GNAQ: variants seen among roughly 807,000 people sequenced by gnomAD.
GNAQ encodes the protein G protein subunit alpha q, also known as guanine nucleotide-binding protein G(q) subunit alpha.
In GNAQ, 8 loss-of-function variants were observed where a neutral mutation model predicts 43.9. The observed-to-expected ratio is 0.18, with a 90% CI of 0.11 to 0.33. The LOEUF is 0.33. GNAQ is among the 10% of genes least tolerant of loss of function. The pLI is 1.00. For synonymous variants in GNAQ, 155 were observed against 170.7 expected, an observed-to-expected ratio of 0.91 and a Z score of 0.71; for missense variants, 158 against 450.8, an observed-to-expected ratio of 0.35 and a Z score of 5.88.
chr9:78,026,999 A>G (rs552737574), intron 1 of GNAQ, among the ~76,000 whole-genome samples: 20 of 152,340 alleles, frequency 1.3e-4, no homozygotes, highest in South Asian at 4.1e-4. Context: ...TGTATGGTAA[A>G]AAGATGAGAG....
intron 5 of GNAQ, among the ~76,000 whole-genome samples, chr9:77,733,319 T>C (rs1325454684): frequency 5.3e-5 from 8 of 152,278 alleles, no homozygotes; most frequent in African/African-American, 1.4e-4. Flanking sequence ...CCTGAACACA[T>C]TGCTTTTTAA....
intron 2 of GNAQ, among the ~76,000 whole-genome samples, chr9:77,915,303 G>A (rs1317866824): frequency 9.2e-6 from 1 of 108,564 alleles, no homozygotes. Context: ...CCTAAATCTG[G>A]TCACATTGTT....
At chr9:77,845,085 A>C (rs1301927705) in intron 2 of GNAQ, among the ~76,000 whole-genome samples, 1 of 152,198 alleles carries the variant, frequency 6.6e-6, no homozygotes, top group Non-Finnish European at 1.5e-5. Context: ...ACATGAAATT[A>C]GTTTTTTTTT....
At chr9:77,885,999 A>G (rs1587387086) in intron 2 of GNAQ, among the ~76,000 whole-genome samples, 1 of 9,724 alleles carries the variant, frequency 1.0e-4, no homozygotes, top group Non-Finnish European at 2.2e-4. Context: ...TTTTTGAGAC[A>G]AGAGTCTTGC....
At chr9:77,736,443 T>C (rs1193579762) in intron 5 of GNAQ, among the ~76,000 whole-genome samples, 1 of 152,206 alleles carries the variant, frequency 6.6e-6, no homozygotes. Context: ...CTTGATAATT[T>C]TCTTAGTCTA....
intron 1 of GNAQ, among the ~76,000 whole-genome samples, chr9:77,980,446 A>C (rs1163549362): frequency 6.6e-6 from 1 of 152,226 alleles, no homozygotes; most frequent in Non-Finnish European, 1.5e-5. Context: ...TACAAAATGA[A>C]GATCTACAAT....
At chr9:77,873,443 G>C (rs1024499976) in intron 2 of GNAQ, among the ~76,000 whole-genome samples, 1 of 152,104 alleles carries the variant, frequency 6.6e-6, no homozygotes, top group African/African-American at 2.4e-5. Context: ...ATTTGACCCC[G>C]CATGAAAGCA....
intron 5 of GNAQ, among the ~76,000 whole-genome samples, chr9:77,789,959 A>G (rs1190264011): frequency 6.6e-6 from 1 of 152,170 alleles, no homozygotes; most frequent in Non-Finnish European, 1.5e-5. Context: ...ATAATGAGGG[A>G]AGAAAAAAAA....
Position 77,986,382 on chromosome 9 carries a change from A to G in GNAQ, c.136+44718T>C, listed in dbSNP as rs532724276. Reference sequence around the variant, plus strand: ...TGACTATTGCTAATGAAACCAAAATAATCTCTATAAAAGCAGCAACCCTCA... The same window carrying G: ...TGACTATTGCTAATGAAACCAAAATGATCTCTATAAAAGCAGCAACCCTCA... On this transcript the variant is annotated intron_variant, in intron 1 of 6. Transcript: ENST00000286548. Among the ~76,000 whole-genome samples, 14 of 152,294 alleles carry G rather than the reference A, an allele frequency of 9.2e-5. No homozygotes were observed. The South Asian group carries it at 2.9e-3, about 32-fold the overall frequency.
chr9:77,872,831 A>G (rs1018576181), intron 2 of GNAQ, among the ~76,000 whole-genome samples: 2 of 152,202 alleles, frequency 1.3e-5, no homozygotes, highest in Non-Finnish European at 2.9e-5. Context: ...GTACACATAG[A>G]AACCAACACA....
intron 2 of GNAQ, among the ~76,000 whole-genome samples, chr9:77,880,859 C>A (rs1473279931): frequency 6.6e-6 from 1 of 152,116 alleles, no homozygotes; most frequent in Non-Finnish European, 1.5e-5. Flanking sequence ...TCTGTCCCTG[C>A]ATGACAGGTT....
intron 1 of GNAQ, among the ~76,000 whole-genome samples, chr9:77,929,932 A>G (rs556525930): frequency 9.6e-4 from 146 of 152,344 alleles, no homozygotes; most frequent in African/African-American, 3.4e-3. Context: ...TTCTTCAGAA[A>G]TGGTTAATAA....
chr9:77,933,904 G>C (rs1040348267), intron 1 of GNAQ, among the ~76,000 whole-genome samples: 1 of 152,084 alleles, frequency 6.6e-6, no homozygotes, highest in Non-Finnish European at 1.5e-5. Context: ...AAATGCAGCG[G>C]CTGGGAAATT....
intron 2 of GNAQ, among the ~76,000 whole-genome samples, chr9:77,877,287 T>C (rs1019626181): frequency 8.5e-5 from 13 of 152,214 alleles, no homozygotes; most frequent in African/African-American, 2.7e-4. Flanking sequence ...ACTATCATTA[T>C]AAGGGTATCA....
chr9:77,797,699 G>A (rs2118457358), intron 3 of GNAQ, 51 bp from the exon 4 acceptor site: 1 of 1,575,768 alleles, frequency 6.3e-7, no homozygotes, highest in Non-Finnish European at 8.7e-7. Context: ...TCACACCAAA[G>A]CTGTCTACGG....
At chr9:77,933,305 G>C (rs760451528) in intron 1 of GNAQ, among the ~76,000 whole-genome samples, 1 of 152,092 alleles carries the variant, frequency 6.6e-6, no homozygotes, top group African/African-American at 2.4e-5. Context: ...TAAAGAAAAG[G>C]TAAGAAACTT....
intron 2 of GNAQ, among the ~76,000 whole-genome samples, chr9:77,843,487 T>C (rs565597071): frequency 1.1e-4 from 17 of 152,260 alleles, no homozygotes; most frequent in African/African-American, 4.1e-4. Flanking sequence ...TGAGTGATGA[T>C]TTATTGTTTA....
rs1829017181 is a variant in GNAQ, at chr9:77,922,792, G to A, written c.137-447C>T. Among the ~76,000 whole-genome samples the A allele has an allele frequency of 2.0e-5, 3 of 152,172 alleles. No individual in the cohort carries two copies. In the South Asian group the frequency reaches 6.2e-4, roughly 32 times the overall value. The stretch of plus-strand genomic sequence containing the variant: ...CTTACACAAACGGTATTCAGACAGA[G>A]ATAAGAAAAAAAGGTCTGAAAATTT... On this transcript the variant is annotated intron_variant, in intron 1 of 6. Coordinates refer to ENST00000286548, the MANE Select transcript of GNAQ (RefSeq NM_002072.5).
At chr9:77,836,970 G>A (rs1364491490) in intron 2 of GNAQ, among the ~76,000 whole-genome samples, 6 of 152,250 alleles carry the variant, frequency 3.9e-5, no homozygotes, top group Admixed American at 3.9e-4. Context: ...GAAATGTACA[G>A]TTTAAAGAAA....
Sources: allele counts gnomAD v4.1 joint callset (sites outside exome capture counted in the v4.1 genomes callset), GRCh38; gene constraint gnomAD v4.1.1; transcripts MANE v1.5; gene names NCBI Gene and HGNC (gene_info 2026-07-23, HGNC 2026-07-21).